ERBIN: variants seen among roughly 807,000 people sequenced by gnomAD.
ERBIN encodes the protein densin-180-like protein.
A neutral mutation model predicts 158.4 loss-of-function variants in ERBIN; 60 were observed. That is an observed-to-expected ratio of 0.38 (90% CI 0.31 to 0.47). The LOEUF (loss-of-function observed/expected upper bound fraction) is 0.47, where lower values mean the gene tolerates loss of function less well. ERBIN is among the 20% of genes least tolerant of loss of function. The pLI is 0.99. For synonymous variants in ERBIN, 594 were observed against 557.2 expected (o/e 1.07, Z -0.93); for missense variants, 1,610 against 1,648.0 (o/e 0.98, Z 0.40).
chr5:65,991,486 TTTTA>T (rs1417960933), intron 2 of ERBIN, among the ~76,000 whole-genome samples: 6 of 152,354 alleles, frequency 3.9e-5, no homozygotes, highest in South Asian at 2.1e-4. Context: ...ATCATTTTAA[TTTTA>T]TTTATTCCTA....
At chr5:66,066,708 G>A (rs1167405635) in intron 21 of ERBIN, among the ~76,000 whole-genome samples, 2 of 152,076 alleles carry the variant, frequency 1.3e-5, no homozygotes, top group Non-Finnish European at 2.9e-5. Context: ...CAGATATTAA[G>A]CATTCCAAAC....
At chr5:66,029,637 G>T (rs987416250) in intron 14 of ERBIN, among the ~76,000 whole-genome samples, 4 of 151,880 alleles carry the variant, frequency 2.6e-5, no homozygotes, top group Non-Finnish European at 4.4e-5. Flanking sequence ...ACAGAGTCTC[G>T]CTCTGCCGCC....
intron 1 of ERBIN, among the ~76,000 whole-genome samples, chr5:65,941,271 C>G (rs1340810733): frequency 6.7e-6 from 1 of 149,386 alleles, no homozygotes; most frequent in Non-Finnish European, 1.5e-5. Context: ...TCCTATGACC[C>G]TGCCAAATCC....
At chr5:65,999,376 T>TA (rs1420345025) in intron 4 of ERBIN, among the ~76,000 whole-genome samples, 1 of 152,124 alleles carries the variant, frequency 6.6e-6, no homozygotes, top group African/African-American at 2.4e-5. Context: ...AATAAATAAA[T>TA]AAAAACAAAA....
intron 1 of ERBIN, among the ~76,000 whole-genome samples, chr5:65,960,692 T>C (rs1747808668): frequency 6.6e-6 from 1 of 152,118 alleles, no homozygotes; most frequent in Non-Finnish European, 1.5e-5. Flanking sequence ...AAGAGAGGCA[T>C]TGCTATCCTT....
At chr5:66,051,049 G>T in intron 20 of ERBIN, 83 bp downstream of exon 20, 1 of 834,346 alleles carries the variant, frequency 1.2e-6, no homozygotes, top group Non-Finnish European at 1.8e-6. Context: ...AATATATAGG[G>T]TTTAATAAAT....
chr5:65,968,485 C>T (rs1044795037), intron 1 of ERBIN, among the ~76,000 whole-genome samples: 2 of 152,174 alleles, frequency 1.3e-5, no homozygotes, highest in African/African-American at 4.8e-5. Flanking sequence ...AAACTAGTTA[C>T]AAGACCTACA....
intron 15 of ERBIN, among the ~76,000 whole-genome samples, chr5:66,039,044 G>GTGTGTGTT (rs1554062819): frequency 9.1e-4 from 138 of 151,730 alleles, no homozygotes; most frequent in African/African-American, 3.3e-3. Flanking sequence ...GTGTGTGTGT[G>GTGTGTGTT]TTTATTGTGT....
intron 20 of ERBIN, among the ~76,000 whole-genome samples, 181 bp downstream of exon 20, chr5:66,051,147 T>C (rs55637114): frequency 0.019 from 2,878 of 152,292 alleles, 41 homozygotes; most frequent in African/African-American, 0.028. Flanking sequence ...CCATCTTAAA[T>C]TAGATTTTTA....
intron 4 of ERBIN, among the ~76,000 whole-genome samples, chr5:66,007,418 G>A (rs939439876): frequency 1.6e-4 from 9 of 56,328 alleles, no homozygotes; most frequent in South Asian, 1.2e-3. Context: ...AGGGGATAGC[G>A]TTAGGAGATA....
At chr5:65,956,678 C>T (rs1030880043) in intron 1 of ERBIN, among the ~76,000 whole-genome samples, 27 of 151,406 alleles carry the variant, frequency 1.8e-4, no homozygotes, top group Admixed American at 1.2e-3. Context: ...CTGCTCCTGG[C>T]GGGAAAAAAT....
In ERBIN at chr5:65,993,005, G is replaced by A. The variant is rs3828629; in HGVS notation, c.189+98G>A. On this transcript the variant is annotated intron_variant, in intron 3 of 25. Transcript: ENST00000284037. ...GCTATAAAGTTGCCAATATATTTGT[G>A]TGGTTGAATTTTTTGGTTTAATTGT... 1,586 of 1,001,878 alleles carry A rather than the reference G, an allele frequency of 1.6e-3. 26 individuals are homozygous for A. The East Asian group carries it at 0.039, about 25-fold the overall frequency. 62.1% of individuals were successfully genotyped at this position (1,001,878 alleles called of 1,614,324 possible). A position where few individuals can be genotyped will look rare whatever the true frequency, so the allele number is the denominator to read the frequency against.
intron 4 of ERBIN, among the ~76,000 whole-genome samples, chr5:66,009,049 C>G (rs1349012365): frequency 6.6e-6 from 1 of 152,172 alleles, no homozygotes; most frequent in Non-Finnish European, 1.5e-5. Context: ...TAATTCAAAA[C>G]TCCCTCTGCT....
rs892658166 is a variant in ERBIN, at chr5:66,013,569, A to T, written c.407A>T (p.Gln136Leu). 28 of 1,611,954 alleles carry T rather than the reference A, an allele frequency of 1.7e-5. No homozygotes were observed. The Admixed American group carries it at 3.5e-4, about 20-fold the overall frequency. The change falls in exon 6 of 26, where the codon CAG becomes CTG. Residue 136 changes from glutamine to leucine, a missense_variant. This residue lies in a region of ERBIN where 596 missense variants were observed against 711.9 expected (regional missense o/e 0.84). Transcript: ENST00000284037. ...TGTAGGCTCCCTGATGGATTTTCTCAGCTGTTAAACCTAACCCAGTTGTAT... is the reference window on the plus strand; with the variant it reads ...TGTAGGCTCCCTGATGGATTTTCTCTGCTGTTAAACCTAACCCAGTTGTAT... Reference protein sequence around the residue: ...PISKLPDGFSQLLNLTQLYLN... With the variant: ...PISKLPDGFSLLLNLTQLYLN...
intron 1 of ERBIN, among the ~76,000 whole-genome samples, chr5:65,927,995 G>A (rs1022859530): frequency 1.3e-5 from 2 of 152,042 alleles, no homozygotes; most frequent in African/African-American, 2.4e-5. Context: ...CCTGTTGGTA[G>A]GTATATCCTA....
intron 14 of ERBIN, among the ~76,000 whole-genome samples, chr5:66,033,970 G>T: frequency 6.6e-6 from 1 of 152,044 alleles, no homozygotes. Flanking sequence ...TTAGCCGGGC[G>T]TGGTGGCGTG....
chr5:65,952,929 A>G (rs370932740), intron 1 of ERBIN, among the ~76,000 whole-genome samples: 45 of 152,224 alleles, frequency 3.0e-4, no homozygotes, highest in African/African-American at 1.0e-3. Context: ...TTTAAAAGTT[A>G]TAAATCAATC....
intron 15 of ERBIN, among the ~76,000 whole-genome samples, chr5:66,040,487 AAG>A (rs1309530825): frequency 6.6e-6 from 1 of 151,918 alleles, no homozygotes. Context: ...TTTAGAATGG[AAG>A]AGTTTCTAAT....
chr5:65,988,350 G>A (rs576859200), intron 1 of ERBIN, among the ~76,000 whole-genome samples: 2 of 151,722 alleles, frequency 1.3e-5, no homozygotes, highest in Non-Finnish European at 2.9e-5. Context: ...TGCAGTCTAG[G>A]TGACAGAGTG....
Sources: allele counts gnomAD v4.1 joint callset (sites outside exome capture counted in the v4.1 genomes callset), GRCh38; gene constraint gnomAD v4.1.1; regional missense constraint gnomAD v4.1.1; transcripts MANE v1.5; gene names NCBI Gene and HGNC (gene_info 2026-07-23, HGNC 2026-07-21).